Variants in YBEY observed in about 807,000 individuals in gnomAD.
YBEY encodes the protein ybeY metalloendoribonuclease, also known as endoribonuclease YbeY.
YBEY carries 15 observed loss-of-function variants against 13.5 expected under a neutral mutation model. The ratio of observed to expected loss-of-function variants is 1.11; its 90% confidence interval spans 0.75 to 1.72. The LOEUF (loss-of-function observed/expected upper bound fraction) is 1.72. Among genes scored for constraint, YBEY ranks in the 40% most tolerant of loss-of-function variants. The pLI is 0.00. For synonymous variants in YBEY, 101 were observed against 83.1 expected, an observed-to-expected ratio of 1.21 and a Z score of -1.17; for missense variants, 244 against 208.4, an observed-to-expected ratio of 1.17 and a Z score of -1.05.
At chr21:46,291,754 C>G (rs1471723818) in intron 3 of YBEY, 39 of 1,127,510 alleles carry the variant, frequency 3.5e-5, no homozygotes, top group Non-Finnish European at 4.2e-5. Context: ...CACAGACCTG[C>G]TGAATCAGCT....
intron 3 of YBEY, 174 bp downstream of exon 3, chr21:46,291,636 C>T: frequency 7.1e-7 from 1 of 1,410,196 alleles, no homozygotes. Context: ...ACTGCATGCC[C>T]CATGCCACAG....
the YBEY span, chr21:46,311,423 C>T: frequency 5.0e-4 from 650 of 1,307,076 alleles, 4 homozygotes; most frequent in East Asian, 0.015. Context: ...ATAATTTCCT[C>T]AACCCACAAC....
At chr21:46,301,982 G>A (rs1417709158), downstream of YBEY, 3 of 1,510,066 alleles carry the variant, frequency 2.0e-6, no homozygotes, top group South Asian at 2.5e-5. Context: ...CCCGGCCAGG[G>A]TCTCTGTGAC....
chr21:46,303,745 A>ATATATT, the YBEY span, among the ~76,000 whole-genome samples: 2 of 23,816 alleles, frequency 8.4e-5, no homozygotes, highest in Non-Finnish European at 1.4e-4. Context: ...ATATATATAT[A>ATATATT]TTTTTTTTTT....
downstream of YBEY, among the ~76,000 whole-genome samples, chr21:46,298,521 C>A (rs1346999892): frequency 6.9e-6 from 1 of 144,618 alleles, no homozygotes; most frequent in Non-Finnish European, 1.5e-5. Flanking sequence ...CTCCGCCCGC[C>A]GGGGTTCACG....
At chr21:46,300,874 G>T, downstream of YBEY, 1 of 1,078,768 alleles carries the variant, frequency 9.3e-7, no homozygotes, top group Non-Finnish European at 1.2e-6. Flanking sequence ...AAACATAATT[G>T]CACCCAAAAA....
At chr21:46,312,480 G>A in the YBEY span, among the ~76,000 whole-genome samples, 6 of 152,106 alleles carry the variant, frequency 3.9e-5, no homozygotes, top group Admixed American at 6.5e-5. Context: ...CACCACGCCC[G>A]GCTAATTTTT....
At chr21:46,311,070 C>T in the YBEY span, among the ~76,000 whole-genome samples, 42 of 152,068 alleles carry the variant, frequency 2.8e-4, no homozygotes, top group South Asian at 8.5e-3. Flanking sequence ...TGGGGTTTCA[C>T]CCTGTGGGCC....
At chr21:46,287,789 G>A (rs1382447665) in intron 2 of YBEY, among the ~76,000 whole-genome samples, 2 of 151,808 alleles carry the variant, frequency 1.3e-5, no homozygotes, top group African/African-American at 2.4e-5. Flanking sequence ...TCAGGAGTTC[G>A]AGATCAGCCT....
chr21:46,291,694 A>C, intron 3 of YBEY: 1 of 1,298,810 alleles, frequency 7.7e-7, no homozygotes, highest in Non-Finnish European at 9.8e-7. Context: ...GCTCCCAGAG[A>C]AGCCTTCTCA....
chr21:46,312,164 C>A, the YBEY span, among the ~76,000 whole-genome samples: 4 of 152,290 alleles, frequency 2.6e-5, no homozygotes, highest in African/African-American at 9.6e-5. Context: ...ACCCCAGACA[C>A]TGAATAAATG....
chr21:46,296,986 A>T (rs1211415922), intron 4 of YBEY, among the ~76,000 whole-genome samples: 1 of 147,900 alleles, frequency 6.8e-6, no homozygotes, highest in Non-Finnish European at 1.5e-5. Flanking sequence ...ACAAGAGTGA[A>T]AGTCCGTCTC....
At chr21:46,300,533 G>A (rs1019414588), downstream of YBEY, 8 of 587,066 alleles carry the variant, frequency 1.4e-5, no homozygotes, top group Non-Finnish European at 1.8e-5. Context: ...TTTAACGAGA[G>A]CACAGAGTCT....
chr21:46,296,238 G>A lies in YBEY; in HGVS notation c.408+8G>A, dbSNP rs376555710. ...GAGGCAGAGTGGCAGCAGGTAAGGA[G>A]CCCATCCATCCCACTACCGAGGGGG... On this transcript the variant is annotated splice_region_variant and intron_variant, in intron 4 of 4. Transcript: ENST00000397701. The A allele has an allele frequency of 6.2e-7, 1 of 1,613,218 alleles. No individual in the cohort carries two copies. Among genetic ancestry groups the A allele is most frequent in the African/African-American group, 1.3e-5 (1 of 74,930 alleles).
At chr21:46,296,348 C>T in intron 4 of YBEY, 118 bp downstream of exon 4, 6 of 1,107,186 alleles carry the variant, frequency 5.4e-6, no homozygotes, top group Non-Finnish European at 7.9e-6. Flanking sequence ...GACCTCAGAC[C>T]TGCCCTTGTA....
chr21:46,298,942 G>A (rs1468037761), downstream of YBEY, among the ~76,000 whole-genome samples: 1 of 150,964 alleles, frequency 6.6e-6, no homozygotes, highest in Non-Finnish European at 1.5e-5. Context: ...GGCTGGGCTT[G>A]AACTCCTGAC....
At chr21:46,297,277 C>A (rs1389829927) in intron 4 of YBEY, among the ~76,000 whole-genome samples, 1 of 146,892 alleles carries the variant, frequency 6.8e-6, no homozygotes, top group Non-Finnish European at 1.5e-5. Flanking sequence ...TCCCTTCCCA[C>A]CTCCCATGCC....
intron 4 of YBEY, 99 bp downstream of exon 4, chr21:46,296,329 C>T: frequency 7.2e-7 from 1 of 1,388,168 alleles, no homozygotes; most frequent in Non-Finnish European, 1.0e-6. Flanking sequence ...ACCGCCCCCG[C>T]AGGAACTGGA....
At chr21:46,301,919 C>T, downstream of YBEY, 3 of 1,390,722 alleles carry the variant, frequency 2.2e-6, no homozygotes, top group Non-Finnish European at 2.8e-6. Context: ...CTGCTCCCTT[C>T]CATAGTCCCG....
Sources: gnomAD v4.1 joint callset for allele counts (sites outside exome capture counted in the v4.1 genomes callset) on GRCh38, gnomAD v4.1.1 for gene constraint, MANE v1.5 for transcripts, NCBI Gene and HGNC (gene_info 2026-07-23, HGNC 2026-07-21) for gene names.